EIF4EBP2: variants seen among roughly 807,000 people sequenced by gnomAD.
EIF4EBP2 encodes eukaryotic translation initiation factor 4E-binding protein 2.
EIF4EBP2 carries 5 observed loss-of-function variants against 10.3 expected under a neutral mutation model. The observed-to-expected ratio is 0.48, with a 90% CI of 0.25 to 1.02. The LOEUF is 1.02. Among genes scored for constraint, EIF4EBP2 ranks in the 50% least tolerant of loss-of-function variants. The probability of loss-of-function intolerance (pLI) is 0.15; values close to 1 mark genes in which losing one functional copy is unlikely to be tolerated. For missense variants in EIF4EBP2, 188 were observed against 162.2 expected (o/e 1.16, Z -0.86); for synonymous variants, 67 against 61.1 (o/e 1.10, Z -0.45).
intron 1 of EIF4EBP2, among the ~76,000 whole-genome samples, chr10:70,409,933 T>A (rs750311777): frequency 2.1e-4 from 32 of 152,210 alleles, no homozygotes; most frequent in Non-Finnish European, 3.8e-4. Flanking sequence ...ATTGGTTCAT[T>A]GGGACAGAAT....
intron 1 of EIF4EBP2, among the ~76,000 whole-genome samples, chr10:70,413,441 C>T (rs1045677211): frequency 6.6e-6 from 1 of 151,786 alleles, no homozygotes; most frequent in African/African-American, 2.4e-5. Context: ...GTCAGGGCAA[C>T]GTAATGAGAC....
At chr10:70,421,661 C>G in intron 2 of EIF4EBP2, 55 bp from the exon 3 acceptor site, 1 of 1,521,584 alleles carries the variant, frequency 6.6e-7, no homozygotes, top group Non-Finnish European at 9.1e-7. Flanking sequence ...ACAGTTAAAA[C>G]TGTTATGCTT....
At chr10:70,407,655 C>T (rs988607115) in intron 1 of EIF4EBP2, among the ~76,000 whole-genome samples, 36 of 151,614 alleles carry the variant, frequency 2.4e-4, no homozygotes, top group South Asian at 6.3e-4. Flanking sequence ...GGGTGGTGGC[C>T]GGGCAGAGGG....
At position 70,427,893 on chromosome 10, in the gene EIF4EBP2, A is replaced by T. The variant is rs771816569; in HGVS notation, c.*6146A>T. 1 of 152,062 alleles carries T rather than the reference A, an allele frequency of 6.6e-6. No individual in the cohort carries two copies. Among genetic ancestry groups the T allele is most frequent in the South Asian group, 2.1e-4 (1 of 4,808 alleles). 9.4% of individuals were successfully genotyped at this position (152,062 alleles called of 1,614,324 possible). ...ACCAAAACTCCTGGACACTTAGAAA[A>T]TTCCATGAATCTAGCACAAAATATC... is the stretch of plus-strand genomic sequence containing the variant. On this transcript the variant is annotated 3_prime_UTR_variant, in exon 3 of 3. Transcript: ENST00000373218.
At chr10:70,407,706 G>A (rs1213200072) in intron 1 of EIF4EBP2, among the ~76,000 whole-genome samples, 1 of 126,496 alleles carries the variant, frequency 7.9e-6, no homozygotes, top group Non-Finnish European at 1.6e-5. Flanking sequence ...CAGAGGCGCC[G>A]CTCACCTCCC....
At chr10:70,417,457 TG>T (rs1845109716) in intron 1 of EIF4EBP2, among the ~76,000 whole-genome samples, 2 of 148,216 alleles carry the variant, frequency 1.3e-5, no homozygotes, top group South Asian at 4.1e-4. Flanking sequence ...CTAAAACTAT[TG>T]AATTATACAC....
intron 1 of EIF4EBP2, among the ~76,000 whole-genome samples, chr10:70,405,404 T>C (rs1844955740): frequency 6.6e-6 from 1 of 152,164 alleles, no homozygotes; most frequent in Non-Finnish European, 1.5e-5. Context: ...AAATAAGTAA[T>C]ACTGGGGTAG....
At chr10:70,407,121 T>TG in intron 1 of EIF4EBP2, among the ~76,000 whole-genome samples, 1 of 150,652 alleles carries the variant, frequency 6.6e-6, no homozygotes, top group South Asian at 2.1e-4. Flanking sequence ...ATGGTCTTTT[T>TG]TTTTTTGTTG....
At position 70,428,227 on chromosome 10, in the gene EIF4EBP2, G is replaced by A. The variant is rs6480456; in HGVS notation, c.*6480G>A. On this transcript the variant is annotated 3_prime_UTR_variant, in exon 3 of 3. Coordinates refer to ENST00000373218, the MANE Select transcript of EIF4EBP2 (RefSeq NM_004096.5). The stretch of plus-strand genomic sequence containing the variant: ...TAAAGAAGGTGTCTTGAAGAGCCCA[G>A]AGGACACTCACGTGCTAAGGTGTCC... The A allele has an allele frequency of 0.97, 147,552 of 152,038 alleles. 71,759 individuals are homozygous for A. Among genetic ancestry groups the A allele is most frequent in the East Asian group, 1 (5,178 of 5,178 alleles). The allele number at this position is 152,038 out of a possible 1,614,324, so 9.4% of individuals were successfully genotyped here.
chr10:70,420,334 G>A (rs1845141265), intron 2 of EIF4EBP2, among the ~76,000 whole-genome samples: 1 of 152,088 alleles, frequency 6.6e-6, no homozygotes, highest in Non-Finnish European at 1.5e-5. Context: ...CGAGTAGCGG[G>A]GATTACAGGC....
chr10:70,407,499 C>T (rs1844982270), intron 1 of EIF4EBP2, among the ~76,000 whole-genome samples: 1 of 150,332 alleles, frequency 6.7e-6, no homozygotes, highest in East Asian at 2.0e-4. Context: ...AATGAAAAGT[C>T]TCCCATGTCC....
At chr10:70,421,037 C>T (rs564917093) in intron 2 of EIF4EBP2, among the ~76,000 whole-genome samples, 4 of 152,102 alleles carry the variant, frequency 2.6e-5, no homozygotes, top group East Asian at 1.9e-4. Context: ...CCTCGTGATC[C>T]GCCCGCCTCA....
chr10:70,407,807 G>A (rs1844992633), intron 1 of EIF4EBP2, among the ~76,000 whole-genome samples: 1 of 144,384 alleles, frequency 6.9e-6, no homozygotes, highest in African/African-American at 2.6e-5. Context: ...GGGGCGGCCG[G>A]GCAGAGGCAC....
chr10:70,413,795 T>C, intron 1 of EIF4EBP2, among the ~76,000 whole-genome samples: 1 of 152,180 alleles, frequency 6.6e-6, no homozygotes, highest in East Asian at 1.9e-4. Context: ...ATTATTTTCA[T>C]AGAGAAGGAA....
At chr10:70,419,209 C>G (rs1053622450) in intron 1 of EIF4EBP2, among the ~76,000 whole-genome samples, 7 of 152,186 alleles carry the variant, frequency 4.6e-5, no homozygotes, top group East Asian at 1.9e-4. Context: ...TTAGTGATGT[C>G]GAGCACCTTT....
At chr10:70,414,862 A>G (rs555435911) in intron 1 of EIF4EBP2, among the ~76,000 whole-genome samples, 546 of 152,026 alleles carry the variant, frequency 3.6e-3, no homozygotes, top group Non-Finnish European at 6.4e-3. Context: ...GGGAAAATCC[A>G]TCTCAAAAGC....
chr10:70,418,444 G>T (rs1037875581), intron 1 of EIF4EBP2, among the ~76,000 whole-genome samples: 2 of 152,174 alleles, frequency 1.3e-5, no homozygotes, highest in Non-Finnish European at 2.9e-5. Flanking sequence ...GGGGAGGGGT[G>T]CACCAGCACA....
intron 1 of EIF4EBP2, among the ~76,000 whole-genome samples, chr10:70,406,124 G>A (rs1318306068): frequency 6.6e-6 from 1 of 152,146 alleles, no homozygotes; most frequent in Non-Finnish European, 1.5e-5. Context: ...TGGACCACAG[G>A]CACGTGCCAC....
At chr10:70,419,882 T>G (rs764479207) in intron 1 of EIF4EBP2, 32 bp from the exon 2 acceptor site, 1 of 1,498,366 alleles carries the variant, frequency 6.7e-7, no homozygotes, top group East Asian at 2.4e-5. Flanking sequence ...CCCCTTAAAT[T>G]GTTTCAAACT....
Sources: allele counts gnomAD v4.1 joint callset (sites outside exome capture counted in the v4.1 genomes callset), GRCh38; gene constraint gnomAD v4.1.1; transcripts MANE v1.5; gene names NCBI Gene and HGNC (gene_info 2026-07-23, HGNC 2026-07-21).